Variants in COL23A1 observed in about 807,000 individuals in gnomAD.
COL23A1 encodes the protein collagen type XXIII alpha 1 chain.
A neutral mutation model predicts 99.3 loss-of-function variants in COL23A1; 97 were observed. The ratio of observed to expected loss-of-function variants is 0.98; its 90% CI spans 0.83 to 1.16. COL23A1 has a LOEUF of 1.16. COL23A1 is among the 50% of genes most tolerant of loss of function. The probability of loss-of-function intolerance (pLI) is 0.00; values close to 1 mark genes in which losing one functional copy is unlikely to be tolerated. For synonymous variants in COL23A1, 320 were observed against 308.2 expected (o/e 1.04, Z -0.40); for missense variants, 762 against 757.4 (o/e 1.01, Z -0.07).
At chr5:178,436,847 A>G (rs1156869416) in intron 2 of COL23A1, among the ~76,000 whole-genome samples, 1 of 152,232 alleles carries the variant, frequency 6.6e-6, no homozygotes. Flanking sequence ...TTTGCAAAAG[A>G]AGAGACTGGG....
intron 2 of COL23A1, among the ~76,000 whole-genome samples, chr5:178,376,361 T>G (rs78860343): frequency 6.6e-6 from 1 of 152,240 alleles, no homozygotes; most frequent in Non-Finnish European, 1.5e-5. Context: ...GTAGGTATTA[T>G]CATTTCCGTT....
chr5:178,247,380 G>A, intron 22 of COL23A1, 146 bp downstream of exon 22: 1 of 845,640 alleles, frequency 1.2e-6, no homozygotes, highest in Non-Finnish European at 1.9e-6. Context: ...GTTATGCCCT[G>A]GGGACTTGGG....
intron 2 of COL23A1, among the ~76,000 whole-genome samples, chr5:178,465,780 A>G (rs1201728183): frequency 6.6e-6 from 1 of 152,222 alleles, no homozygotes; most frequent in African/African-American, 2.4e-5. Flanking sequence ...GTAAAGAAGT[A>G]GACTGTCCTG....
chr5:178,282,764 G>A (rs1756965765), intron 5 of COL23A1, among the ~76,000 whole-genome samples: 1 of 152,258 alleles, frequency 6.6e-6, no homozygotes, highest in East Asian at 1.9e-4. Flanking sequence ...GGCTTTGGGA[G>A]ATGAAGGGTG....
intron 2 of COL23A1, among the ~76,000 whole-genome samples, chr5:178,559,652 A>T (rs1762457703): frequency 7.2e-6 from 1 of 138,280 alleles, no homozygotes; most frequent in Non-Finnish European, 1.5e-5. Flanking sequence ...GCACGTCGAG[A>T]AGTCTGAGAC....
Position 178,439,069 on chromosome 5 carries a change from C to T in COL23A1, c.361+121613G>A, listed in dbSNP as rs1405436569. On this transcript the variant is annotated intron_variant, in intron 2 of 28. Transcript: ENST00000390654. The surrounding 1 kb of genome is among the most constrained non-coding windows in gnomAD (Gnocchi z 4.2). ...CTGGGAGCTTGAACCTCTCCATGCC[C>T]AGGCTGTGCGCAGATCAGTTACATC... 2.0e-5 allele frequency: 3 copies of T among 152,230 alleles called. No individual in the cohort carries two copies. Among genetic ancestry groups the T allele is most frequent in the African/African-American group, 4.8e-5 (2 of 41,454 alleles). The allele number at this position is 152,230 out of a possible 1,614,324, so 9.4% of individuals were successfully genotyped here. A position where few individuals can be genotyped will look rare whatever the true frequency, so the allele number is the denominator to read the frequency against.
rs537471888 is a variant in COL23A1 at position 178,290,352 on chromosome 5, G to A, written c.414+10C>T. 1.2e-6 allele frequency: 2 copies of A among 1,614,046 alleles called. No individual in the cohort carries two copies. The highest frequency in any genetic ancestry group is 1.3e-5 in the African/African-American group (1 of 75,024). Reference sequence around the variant, plus strand: ...TTTCAGAAGCAGACAGCACAGTCCAGGACACTTACTGGAGGACCTGCAAAA... The same window carrying A: ...TTTCAGAAGCAGACAGCACAGTCCAAGACACTTACTGGAGGACCTGCAAAA... On this transcript the variant is annotated intron_variant, in intron 4 of 28. Coordinates refer to ENST00000390654, the MANE Select transcript of COL23A1 (RefSeq NM_173465.4).
At chr5:178,380,017 G>T (rs1763293376) in intron 2 of COL23A1, among the ~76,000 whole-genome samples, 1 of 152,200 alleles carries the variant, frequency 6.6e-6, no homozygotes, top group African/African-American at 2.4e-5. Context: ...CTGGAACCAG[G>T]CTCCACAGAC....
intron 2 of COL23A1, among the ~76,000 whole-genome samples, chr5:178,469,779 G>A (rs979467587): frequency 4.6e-5 from 7 of 152,144 alleles, no homozygotes; most frequent in South Asian, 2.1e-4. Flanking sequence ...AGAATCGGTC[G>A]TGGGGAGGAG....
chr5:178,502,349 T>C (rs961327869), intron 2 of COL23A1, among the ~76,000 whole-genome samples: 5 of 152,194 alleles, frequency 3.3e-5, no homozygotes. Flanking sequence ...GCCAGGATGG[T>C]CTCGATCTTC....
chr5:178,581,699 C>T (rs1763669562), intron 1 of COL23A1, among the ~76,000 whole-genome samples: 1 of 152,062 alleles, frequency 6.6e-6, no homozygotes, highest in Admixed American at 6.6e-5. Context: ...CCATTATCTG[C>T]ACTAACAAAA....
intron 3 of COL23A1, among the ~76,000 whole-genome samples, chr5:178,296,828 C>T (rs1049571408): frequency 4.6e-5 from 7 of 152,148 alleles, no homozygotes; most frequent in African/African-American, 1.7e-4. Flanking sequence ...ACACACTGCC[C>T]ACCACTTCTC....
chr5:178,265,109 C>T (rs1561805572), intron 8 of COL23A1, among the ~76,000 whole-genome samples: 1 of 152,200 alleles, frequency 6.6e-6, no homozygotes, highest in Non-Finnish European at 1.5e-5. Flanking sequence ...CTTTGAGACA[C>T]TTCTTTTCAT....
chr5:178,358,207 GTGTGTA>G (rs772425127), intron 2 of COL23A1, among the ~76,000 whole-genome samples: 1,568 of 134,576 alleles, frequency 0.012, 29 homozygotes, highest in Non-Finnish European at 0.017. Context: ...GCATGTGTAC[GTGTGTA>G]TGTGTGTCTA....
chr5:178,405,754 A>C (rs1273445317), intron 2 of COL23A1, among the ~76,000 whole-genome samples: 4 of 152,242 alleles, frequency 2.6e-5, no homozygotes, highest in Admixed American at 2.6e-4. Context: ...GAACAAACTA[A>C]AAACCACTAG....
At chr5:178,282,224 G>A (rs1310313699) in intron 5 of COL23A1, among the ~76,000 whole-genome samples, 5 of 152,150 alleles carry the variant, frequency 3.3e-5, no homozygotes, top group African/African-American at 1.2e-4. Flanking sequence ...GCTATGACAC[G>A]GAGGTATGAA....
intron 2 of COL23A1, among the ~76,000 whole-genome samples, chr5:178,444,783 G>A (rs1767068125): frequency 6.6e-6 from 1 of 152,146 alleles, no homozygotes; most frequent in Non-Finnish European, 1.5e-5. Context: ...GCGACAGAGT[G>A]AGACTTTTTG....
intron 1 of COL23A1, among the ~76,000 whole-genome samples, chr5:178,585,454 T>G (rs77619589): frequency 0.18 from 7,597 of 42,964 alleles, 402 homozygotes; most frequent in East Asian, 0.41. Flanking sequence ...ACACTCCACG[T>G]CCCTGGTTGA....
chr5:178,445,067 A>T (rs1335078316), intron 2 of COL23A1, among the ~76,000 whole-genome samples: 1 of 152,250 alleles, frequency 6.6e-6, no homozygotes, highest in African/African-American at 2.4e-5. Flanking sequence ...ACAAAACATT[A>T]GCAAATTTGA....
Sources: gnomAD v4.1 joint callset for allele counts (sites outside exome capture counted in the v4.1 genomes callset) on GRCh38, gnomAD v4.1.1 for gene constraint, Gnocchi (gnomAD v3.1) non-coding constraint, MANE v1.5 for transcripts, NCBI Gene and HGNC (gene_info 2026-07-23, HGNC 2026-07-21) for gene names.